MAML3: variants seen among roughly 807,000 people sequenced by gnomAD.
MAML3 encodes mastermind like transcriptional coactivator 3, also known as mastermind-like protein 3.
Under a neutral mutation model 101.9 loss-of-function variants are expected in MAML3, and 27 were observed. That is an observed-to-expected ratio of 0.27 (90% CI 0.20 to 0.37). The LOEUF is 0.37. MAML3 is among the 10% of genes least tolerant of loss of function. The pLI is 1.00. For synonymous variants in MAML3, 501 were observed against 555.9 expected, an observed-to-expected ratio of 0.90 and a Z score of 1.39; for missense variants, 1,316 against 1,444.9, an observed-to-expected ratio of 0.91 and a Z score of 1.45.
intron 2 of MAML3, among the ~76,000 whole-genome samples, chr4:139,736,431 A>G: frequency 6.6e-6 from 1 of 152,206 alleles, no homozygotes; most frequent in South Asian, 2.1e-4. Context: ...ATGGCTAGAC[A>G]GAGGCGCCTG....
chr4:140,077,175 C>G (rs1727782391), intron 1 of MAML3, among the ~76,000 whole-genome samples: 2 of 152,220 alleles, frequency 1.3e-5, no homozygotes, highest in South Asian at 4.1e-4. Flanking sequence ...AGCCACCGCA[C>G]CTAGCAGGAA....
intron 2 of MAML3, among the ~76,000 whole-genome samples, chr4:139,754,632 G>C (rs563118594): frequency 6.6e-6 from 1 of 152,238 alleles, no homozygotes; most frequent in Admixed American, 6.5e-5. Context: ...TTGTGTCAAA[G>C]AGCATGAATG....
intron 2 of MAML3, among the ~76,000 whole-genome samples, chr4:139,818,767 A>G (rs1730930006): frequency 6.6e-6 from 1 of 152,210 alleles, no homozygotes; most frequent in Non-Finnish European, 1.5e-5. Context: ...AATGAAGCAA[A>G]TACCCCAAAA....
intron 1 of MAML3, among the ~76,000 whole-genome samples, chr4:140,095,069 G>A (rs1210558608): frequency 6.6e-6 from 1 of 152,210 alleles, no homozygotes; most frequent in South Asian, 2.1e-4. Context: ...GCCACCCACA[G>A]CCTTGGGGCT....
At chr4:140,108,112 C>G (rs1029501803) in intron 1 of MAML3, among the ~76,000 whole-genome samples, 17 of 152,008 alleles carry the variant, frequency 1.1e-4, no homozygotes, top group Admixed American at 6.6e-4. Context: ...TATACCTTTC[C>G]CCATCCTCTA....
chr4:139,852,190 T>C (rs113239935), intron 2 of MAML3, among the ~76,000 whole-genome samples: 7 of 152,312 alleles, frequency 4.6e-5, no homozygotes, highest in African/African-American at 1.7e-4. Flanking sequence ...GCCAGGGTAC[T>C]GAACAAAGCT....
chr4:140,129,952 C>T lies in MAML3; in HGVS notation c.468+22908G>A, dbSNP rs867089391. On this transcript the variant is annotated intron_variant, in intron 1 of 4. Transcript: ENST00000509479. ...TGCACTCCAGCCTGGGTGACCTGAGCGAAACTCCGTCTCAAAAAAAAAAAA... is the reference window on the plus strand; with the variant it reads ...TGCACTCCAGCCTGGGTGACCTGAGTGAAACTCCGTCTCAAAAAAAAAAAA... 1.6e-4 allele frequency among the ~76,000 whole-genome samples: 23 copies of T among 148,214 alleles called. 1 individual carries two copies. The highest frequency in any genetic ancestry group is 3.5e-3 in the Middle Eastern group (1 of 288).
intron 1 of MAML3, among the ~76,000 whole-genome samples, chr4:139,909,678 A>G (rs922577045): frequency 3.3e-5 from 5 of 152,106 alleles, no homozygotes; most frequent in East Asian, 1.9e-4. Context: ...TTCTACTAAA[A>G]ATACAAAAAT....
intron 2 of MAML3, among the ~76,000 whole-genome samples, chr4:139,865,496 G>GTTTTTTTTTTTTTT: frequency 8.2e-6 from 1 of 122,626 alleles, no homozygotes. Flanking sequence ...TTTTTTTTTT[G>GTTTTTTTTTTTTTT]TTTTTTTTTT....
At chr4:139,812,160 CAAG>C (rs1730810448) in intron 2 of MAML3, among the ~76,000 whole-genome samples, 1 of 152,064 alleles carries the variant, frequency 6.6e-6, no homozygotes, top group African/African-American at 2.4e-5. Context: ...AAGGCTGAGG[CAAG>C]AAGATCACTT....
At chr4:139,728,883 T>C (rs2110982423) in intron 3 of MAML3, among the ~76,000 whole-genome samples, 1 of 152,316 alleles carries the variant, frequency 6.6e-6, no homozygotes, top group Non-Finnish European at 1.5e-5. Context: ...TGGGCCTTCT[T>C]TGTGTCTTTG....
At chr4:140,062,385 C>G (rs1277157125) in intron 1 of MAML3, among the ~76,000 whole-genome samples, 1 of 152,128 alleles carries the variant, frequency 6.6e-6, no homozygotes, top group Non-Finnish European at 1.5e-5. Flanking sequence ...AAATACTGTA[C>G]TCAGACCCCT....
chr4:139,981,650 A>T (rs911044617), intron 1 of MAML3, among the ~76,000 whole-genome samples: 1 of 152,160 alleles, frequency 6.6e-6, no homozygotes, highest in Non-Finnish European at 1.5e-5. Context: ...ATCTCATCCA[A>T]GATACCAACA....
At chr4:139,897,317 G>A (rs921288309) in intron 1 of MAML3, among the ~76,000 whole-genome samples, 1 of 151,506 alleles carries the variant, frequency 6.6e-6, no homozygotes, top group Non-Finnish European at 1.5e-5. Flanking sequence ...CAGAACTCAG[G>A]GGGCTGGGCA....
At chr4:140,053,390 C>T (rs535586369) in intron 1 of MAML3, among the ~76,000 whole-genome samples, 64 of 152,152 alleles carry the variant, frequency 4.2e-4, no homozygotes, top group Non-Finnish European at 7.3e-4. Context: ...CATTCCCATC[C>T]GAATTAGGTA....
At chr4:140,052,347 A>G (rs1476592200) in intron 1 of MAML3, among the ~76,000 whole-genome samples, 1 of 152,048 alleles carries the variant, frequency 6.6e-6, no homozygotes, top group African/African-American at 2.4e-5. Flanking sequence ...CAACAGTGAC[A>G]TTTTCATTCT....
intron 1 of MAML3, among the ~76,000 whole-genome samples, chr4:140,071,755 TAGAGAGAG>T (rs11268401): frequency 2.4e-4 from 33 of 137,356 alleles, no homozygotes; most frequent in African/African-American, 7.3e-4. Flanking sequence ...GGACCAGGAT[TAGAGAGAG>T]AGAGAGAGAG....
chr4:139,957,952 G>A (rs1419031692), intron 1 of MAML3, among the ~76,000 whole-genome samples: 1 of 152,170 alleles, frequency 6.6e-6, no homozygotes, highest in Non-Finnish European at 1.5e-5. Context: ...CTGAGCATAA[G>A]TATATATGTA....
chr4:139,887,241 A>G (rs1385910944), intron 2 of MAML3, among the ~76,000 whole-genome samples: 2 of 152,236 alleles, frequency 1.3e-5, no homozygotes, highest in Admixed American at 1.3e-4. Context: ...TCACATGTTT[A>G]TATATGTATT....
Sources: allele counts gnomAD v4.1 joint callset (sites outside exome capture counted in the v4.1 genomes callset), GRCh38; gene constraint gnomAD v4.1.1; transcripts MANE v1.5; gene names NCBI Gene and HGNC (gene_info 2026-07-23, HGNC 2026-07-21).